MDM4: variants seen among roughly 807,000 people sequenced by gnomAD.
MDM4 encodes the protein MDM4 regulator of p53, also known as protein Mdm4.
A neutral mutation model predicts 60.2 loss-of-function variants in MDM4; 2 were observed. That is an observed-to-expected ratio of 0.03 (90% confidence interval 0.01 to 0.10). The LOEUF (loss-of-function observed/expected upper bound fraction) is 0.10. Among genes scored for constraint, MDM4 ranks in the 10% least tolerant of loss-of-function variants. The pLI is 1.00. For missense variants in MDM4, 447 were observed against 577.5 expected, an observed-to-expected ratio of 0.77 and a Z score of 2.32; for synonymous variants, 202 against 198.1, an observed-to-expected ratio of 1.02 and a Z score of -0.17.
At chr1:204,547,699 G>A (rs533069336) in intron 10 of MDM4, among the ~76,000 whole-genome samples, 1 of 152,330 alleles carries the variant, frequency 6.6e-6, no homozygotes, top group South Asian at 2.1e-4. Context: ...GTTCTTGACT[G>A]TAATACAAAT....
chr1:204,529,038 T>TG, intron 3 of MDM4: 1 of 1,501,672 alleles, frequency 6.7e-7, no homozygotes, highest in Admixed American at 1.8e-5. Flanking sequence ...CTGGGTGAAC[T>TG]GGGGGCTCAG....
At chr1:204,535,041 G>C (rs1661258527) in intron 5 of MDM4, among the ~76,000 whole-genome samples, 1 of 151,742 alleles carries the variant, frequency 6.6e-6, no homozygotes, top group African/African-American at 2.4e-5. Context: ...TGGGTTGCTT[G>C]TGTTTTATTT....
At chr1:204,527,831 C>T (rs1348501500) in intron 3 of MDM4, among the ~76,000 whole-genome samples, 1 of 151,714 alleles carries the variant, frequency 6.6e-6, no homozygotes, top group African/African-American at 2.4e-5. Flanking sequence ...AGATATCTAA[C>T]CCTTCCTAAA....
rs71147703 is a variant in MDM4, at chr1:204,552,872, CTTT to C, written c.*3204_*3206del. On this transcript the variant is annotated 3_prime_UTR_variant, in exon 11 of 11. Transcript: ENST00000367182. Reference sequence around the variant, plus strand: ...AACTTTAAACTATTTCTTTTCTTTTCTTTTTTTTTTTTTTTTACTTGAGATGGA... The same window carrying C: ...AACTTTAAACTATTTCTTTTCTTTTCTTTTTTTTTTTTTACTTGAGATGGA... The C allele has an allele frequency of 2.7e-4, 36 of 133,952 alleles. No individual in the cohort carries two copies. The highest frequency in any genetic ancestry group is 1.9e-3 in the East Asian group (12 of 6,154). The allele number at this position is 133,952 out of a possible 1,614,324, so 8.3% of individuals were successfully genotyped here. A position where few individuals can be genotyped will look rare whatever the true frequency, so the allele number is the denominator to read the frequency against.
rs1413733279 is a variant in MDM4 at position 204,549,809 on chromosome 1, T to G, written c.*127T>G. 4 of 613,954 alleles carry G rather than the reference T, an allele frequency of 6.5e-6. No homozygotes were observed. Among genetic ancestry groups the G allele is most frequent in the African/African-American group, 1.9e-5 (1 of 53,694 alleles). 38.0% of individuals were successfully genotyped at this position (613,954 alleles called of 1,614,324 possible). A position where few individuals can be genotyped will look rare whatever the true frequency, so the allele number is the denominator to read the frequency against. The stretch of plus-strand genomic sequence containing the variant: ...CTTAGGCATCAAAATCCAAGGTAGC[T>G]GTAAGAAAAATACTGGAGCTAACAA... On this transcript the variant is annotated 3_prime_UTR_variant, in exon 11 of 11. Coordinates refer to ENST00000367182, the MANE Select transcript of MDM4 (RefSeq NM_002393.5).
rs955561095 is a variant in MDM4 at position 204,557,488 on chromosome 1, C to T, written c.*7806C>T. Reference sequence around the variant, plus strand: ...CGCAATCTTGGTTCACTGCAACCCCCGCCTCCTGGGTTCAAGCGATCCTCC... The same window carrying T: ...CGCAATCTTGGTTCACTGCAACCCCTGCCTCCTGGGTTCAAGCGATCCTCC... On this transcript the variant is annotated 3_prime_UTR_variant, in exon 11 of 11. Coordinates refer to ENST00000367182, the MANE Select transcript of MDM4 (RefSeq NM_002393.5). The T allele has an allele frequency of 1.1e-4, 19 of 174,142 alleles. No homozygotes were observed. The highest frequency in any genetic ancestry group is 2.2e-3 in the Middle Eastern group (1 of 456). The allele number at this position is 174,142 out of a possible 1,614,324, so 10.8% of individuals were successfully genotyped here.
At chr1:204,538,428 G>A (rs1661641161) in intron 7 of MDM4, 120 bp downstream of exon 7, 1 of 647,560 alleles carries the variant, frequency 1.5e-6, no homozygotes, top group Non-Finnish European at 2.7e-6. Flanking sequence ...ATCCTTTTCT[G>A]AAAACCTTTT....
intron 7 of MDM4, 53 bp downstream of exon 7, chr1:204,538,361 T>A: frequency 1.1e-6 from 1 of 919,924 alleles, no homozygotes; most frequent in Non-Finnish European, 1.8e-6. Context: ...TCTTCCAACC[T>A]TTTTATTTTT....
At chr1:204,531,954 T>C (rs1660901542) in intron 4 of MDM4, among the ~76,000 whole-genome samples, 1 of 152,164 alleles carries the variant, frequency 6.6e-6, no homozygotes, top group African/African-American at 2.4e-5. Context: ...GCTAATGAAA[T>C]AAAATGTAAA....
At position 204,549,624 on chromosome 1, in the gene MDM4, C is replaced by A; in HGVS notation, c.1415C>A (p.Ala472Asp). Residue 472 changes from alanine to aspartate, a missense_variant, in exon 11 of 11, where the codon GCT (alanine) becomes GAT (aspartate). Ala to Asp is a moderately radical substitution (Grantham distance 126). This residue lies in a region of MDM4 where 26 missense variants were observed against 70.0 expected (regional missense o/e 0.37). Coordinates refer to ENST00000367182, the MANE Select transcript of MDM4 (RefSeq NM_002393.5). Reference protein sequence around the residue: ...HCARRLKKAGASCPICKKEIQ... With the variant: ...HCARRLKKAGDSCPICKKEIQ... ...GCCAGAAGACTAAAGAAGGCTGGGG[C>A]TTCATGCCCTATTTGCAAGAAAGAG... 7 of 1,592,548 alleles carry A rather than the reference C, an allele frequency of 4.4e-6. No homozygotes were observed. The highest frequency in any genetic ancestry group is 5.1e-6 in the Non-Finnish European group (6 of 1,174,210).
intron 1 of MDM4, among the ~76,000 whole-genome samples, chr1:204,522,917 C>T (rs544405610): frequency 1.9e-4 from 28 of 147,982 alleles, no homozygotes; most frequent in African/African-American, 6.7e-4. Flanking sequence ...GGTTGGAGTG[C>T]AATGGTGCGA....
rs1417507416 is a variant in MDM4, at chr1:204,538,206, C to T, written c.412-3C>T. ...ACTGATGGACACCTTTCCCTTCTTT[C>T]AGCAAAGTGCAGAGGAAAGTTCCAC... On this transcript the variant is annotated splice_polypyrimidine_tract_variant and splice_region_variant and intron_variant, in intron 6 of 10. Transcript: ENST00000367182. 2 of 1,576,812 alleles carry T rather than the reference C, an allele frequency of 1.3e-6. No homozygotes were observed. Among genetic ancestry groups the T allele is most frequent in the South Asian group, 1.1e-5 (1 of 90,138 alleles).
intron 1 of MDM4, among the ~76,000 whole-genome samples, chr1:204,519,687 G>A (rs1223342292): frequency 6.6e-6 from 1 of 152,030 alleles, no homozygotes; most frequent in African/African-American, 2.4e-5. Context: ...GGTGGTACAC[G>A]CCTGTAGTCC....
chr1:204,521,158 A>T (rs1031768990), intron 1 of MDM4, among the ~76,000 whole-genome samples: 23 of 152,188 alleles, frequency 1.5e-4, no homozygotes, highest in African/African-American at 5.1e-4. Flanking sequence ...TTGGTATTAA[A>T]TGGGTTTATA....
chr1:204,520,608 G>A (rs1342285958), intron 1 of MDM4, among the ~76,000 whole-genome samples: 1 of 152,144 alleles, frequency 6.6e-6, no homozygotes, highest in Non-Finnish European at 1.5e-5. Flanking sequence ...ATCCAGGCCA[G>A]GTGTGGTGGC....
At chr1:204,530,103 TG>T (rs1660716155) in intron 3 of MDM4, among the ~76,000 whole-genome samples, 1 of 152,190 alleles carries the variant, frequency 6.6e-6, no homozygotes, top group South Asian at 2.1e-4. Flanking sequence ...ATCAAACTCC[TG>T]GGTTCAAGCA....
rs71147703 is a variant in MDM4 at position 204,552,872 on chromosome 1, C to CTTTT, written c.*3203_*3206dup. ...AACTTTAAACTATTTCTTTTCTTTT[C>CTTTT]TTTTTTTTTTTTTTTTACTTGAGAT... On this transcript the variant is annotated 3_prime_UTR_variant, in exon 11 of 11. Transcript: ENST00000367182. The CTTTT allele has an allele frequency of 3.4e-4, 46 of 133,928 alleles. 1 individual carries two copies. Among genetic ancestry groups the CTTTT allele is most frequent in the East Asian group, 9.8e-4 (6 of 6,130 alleles). The allele number at this position is 133,928 out of a possible 1,614,324, so 8.3% of individuals were successfully genotyped here.
intron 3 of MDM4, among the ~76,000 whole-genome samples, chr1:204,528,060 T>TTA (rs985952441): frequency 3.4e-5 from 5 of 148,774 alleles, no homozygotes; most frequent in African/African-American, 1.2e-4. Flanking sequence ...TCCCCAAACT[T>TTA]ATTAAAGTCT....
In MDM4 at chr1:204,555,207, T is replaced by C. The variant is rs1572539916; in HGVS notation, c.*5525T>C. 1 of 176,582 alleles carries C rather than the reference T, an allele frequency of 5.7e-6. No homozygotes were observed. The highest frequency in any genetic ancestry group is 2.0e-4 in the South Asian group (1 of 4,996). The allele number at this position is 176,582 out of a possible 1,614,324, so 10.9% of individuals were successfully genotyped here. A position where few individuals can be genotyped will look rare whatever the true frequency, so the allele number is the denominator to read the frequency against. On this transcript the variant is annotated 3_prime_UTR_variant, in exon 11 of 11. Transcript: ENST00000367182. ...TCTCTCTCTGTCGCCCCGGCTGGAGTGCAGTGGCGCGATCTCGGCTCACTG... is the reference window on the plus strand; with the variant it reads ...TCTCTCTCTGTCGCCCCGGCTGGAGCGCAGTGGCGCGATCTCGGCTCACTG...
Sources: gnomAD v4.1 joint callset for allele counts (sites outside exome capture counted in the v4.1 genomes callset) on GRCh38, gnomAD v4.1.1 for gene constraint, gnomAD v4.1.1 regional missense constraint, MANE v1.5 for transcripts, NCBI Gene and HGNC (gene_info 2026-07-23, HGNC 2026-07-21) for gene names.